The following HS3ST1 variants were observed in gnomAD, a reference collection of about 807,000 sequenced individuals.
HS3ST1 encodes the protein heparan sulfate-glucosamine 3-sulfotransferase 1.
A neutral mutation model predicts 20.7 loss-of-function variants in HS3ST1; 8 were observed. That is an observed-to-expected ratio of 0.39 (90% CI 0.23 to 0.70). The LOEUF (loss-of-function observed/expected upper bound fraction) is 0.70. Ranked by LOEUF, HS3ST1 falls within the 30% of genes least tolerant of loss-of-function variation. HS3ST1 has a pLI of 0.46. For synonymous variants in HS3ST1, 205 were observed against 190.4 expected (o/e 1.08, Z -0.63); for missense variants, 436 against 423.4 (o/e 1.03, Z -0.26).
Position 11,399,962 on chromosome 4 carries a change from G to T in HS3ST1, c.44C>A (p.Pro15His). The change falls in exon 2 of 2, where the codon CCC becomes CAC. Residue 15 changes from proline to histidine, a missense_variant. Physicochemically the swap from Pro to His is moderately conservative, Grantham distance 77 (BLOSUM62 -2). Transcript: ENST00000002596. This position sits in a 1 kb window ranked among gnomAD's most constrained non-coding sequence, Gnocchi z 5.1. ...GGCGGGGCGGGAAGGCACTAGCTGG[G>T]GCTGGGCCACCAGCAGCACCGCGCC... The part of the protein sequence containing the change: ...LLGAVLLVAQ[P>H]QLVPSRPAEL... 1 of 1,555,976 alleles carries T rather than the reference G, an allele frequency of 6.4e-7. No individual in the cohort carries two copies. Among genetic ancestry groups the T allele is most frequent in the African/African-American group, 1.4e-5 (1 of 73,780 alleles).
chr4:11,414,184 C>G (rs1348626616), intron 1 of HS3ST1: 1 of 152,134 alleles, frequency 6.6e-6, no homozygotes, highest in Admixed American at 6.5e-5. Context: ...CTATGTTGCT[C>G]TTTATTCTGT....
At chr4:11,425,681 A>AT (rs975529227) in intron 1 of HS3ST1, among the ~76,000 whole-genome samples, 1 of 152,164 alleles carries the variant, frequency 6.6e-6, no homozygotes, top group Admixed American at 6.5e-5. Flanking sequence ...AATTTTTTGT[A>AT]TTTTTTACCC....
At position 11,395,212 on chromosome 4, in the gene HS3ST1, A is replaced by T. The variant is rs4697688; in HGVS notation, c.*3870T>A. On this transcript the variant is annotated 3_prime_UTR_variant, in exon 2 of 2. Coordinates refer to ENST00000002596, the MANE Select transcript of HS3ST1 (RefSeq NM_005114.4). ...CAATTCCTCCATGAAGCCTTCCCAC[A>T]GGAAGGTCAGGGTCTCTGTGGCCCA... 6.6e-6 allele frequency: 1 copy of T among 151,906 alleles called. No homozygotes were observed. The highest frequency in any genetic ancestry group is 2.4e-5 in the African/African-American group (1 of 41,320). The allele number at this position is 151,906 out of a possible 1,614,324, so 9.4% of individuals were successfully genotyped here.
At chr4:11,406,962 G>A (rs1718483497) in intron 1 of HS3ST1, among the ~76,000 whole-genome samples, 3 of 152,020 alleles carry the variant, frequency 2.0e-5, no homozygotes, top group South Asian at 2.1e-4. Context: ...GCATAGCTAT[G>A]GAAGAGCACC....
At chr4:11,426,179 C>T (rs1364952658) in intron 1 of HS3ST1, among the ~76,000 whole-genome samples, 2 of 152,134 alleles carry the variant, frequency 1.3e-5, no homozygotes, top group African/African-American at 4.8e-5. Context: ...CCCCCATAGA[C>T]AGACATGATT....
At chr4:11,422,642 ACAAT>A (rs146641953) in intron 1 of HS3ST1, among the ~76,000 whole-genome samples, 6,738 of 152,264 alleles carry the variant, frequency 0.044, 173 homozygotes, top group Non-Finnish European at 0.055. Context: ...CTTGTGAACG[ACAAT>A]CAATAGCAAA....
In HS3ST1 at chr4:11,399,383, G is replaced by A. The variant is rs1231872635; in HGVS notation, c.623C>T (p.Pro208Leu). ...VHMQNWLRFFPLRHIHIVDGD... is the reference protein window; with the variant it reads ...VHMQNWLRFFLLRHIHIVDGD... ...GTCCACAATGTGGATGTGGCGCAGC[G>A]GGAAAAAGCGCAGCCAGTTCTGCAT... The change falls in exon 2 of 2, where the codon CCG becomes CTG. Residue 208 changes from proline to leucine, a missense_variant. Transcript: ENST00000002596. This position sits in a 1 kb window ranked among gnomAD's most constrained non-coding sequence, Gnocchi z 5.1. 3 of 1,613,900 alleles carry A rather than the reference G, an allele frequency of 1.9e-6. No homozygotes were observed. The highest frequency in any genetic ancestry group is 2.5e-6 in the Non-Finnish European group (3 of 1,180,024).
chr4:11,410,176 C>T lies in HS3ST1; in HGVS notation c.-108-10063G>A, dbSNP rs180831158. Among the ~76,000 whole-genome samples the T allele has an allele frequency of 2.6e-3, 395 of 152,268 alleles. 5 individuals are homozygous for T. The highest frequency in any genetic ancestry group is 8.9e-3 in the African/African-American group (371 of 41,552). ...CGATGTTTCTAAAATTGTACTGAGT[C>T]CCTGGGGACACTGAAATAATCCCGT... On this transcript the variant is annotated intron_variant, in intron 1 of 1. Transcript: ENST00000002596.
chr4:11,413,771 C>T (rs746444020), intron 1 of HS3ST1, among the ~76,000 whole-genome samples: 4 of 149,630 alleles, frequency 2.7e-5, no homozygotes, highest in Non-Finnish European at 6.0e-5. Context: ...CACAGAGGCT[C>T]ATCGATAATG....
chr4:11,407,860 T>G (rs866554970), intron 1 of HS3ST1, among the ~76,000 whole-genome samples: 2 of 152,238 alleles, frequency 1.3e-5, no homozygotes, highest in Non-Finnish European at 1.5e-5. Flanking sequence ...CCAGAGGAGC[T>G]GATGTAACCC....
In HS3ST1 at chr4:11,398,370, C is replaced by T. The variant is rs1718195314; in HGVS notation, c.*712G>A. ...TCCAGGTCCAAGATCATTCTGAAGG[C>T]CAAGGGTTTAATCCTCTTTATTATA... On this transcript the variant is annotated 3_prime_UTR_variant, in exon 2 of 2. Transcript: ENST00000002596. The T allele has an allele frequency of 6.6e-6, 1 of 152,194 alleles. No individual in the cohort carries two copies. Among genetic ancestry groups the T allele is most frequent in the Non-Finnish European group, 1.5e-5 (1 of 68,044 alleles). 9.4% of individuals were successfully genotyped at this position (152,194 alleles called of 1,614,324 possible).
chr4:11,417,865 A>G (rs78065397), intron 1 of HS3ST1, among the ~76,000 whole-genome samples: 1 of 152,220 alleles, frequency 6.6e-6, no homozygotes, highest in African/African-American at 2.4e-5. Flanking sequence ...CTCCAATTGT[A>G]ATATACAAAC....
At position 11,398,393 on chromosome 4, in the gene HS3ST1, A is replaced by G. The variant is rs937012201; in HGVS notation, c.*689T>C. ...GGCCAAGGGTTTAATCCTCTTTATTATAACTGCTGAGATCAGAAGCATGTG... is the reference window on the plus strand; with the variant it reads ...GGCCAAGGGTTTAATCCTCTTTATTGTAACTGCTGAGATCAGAAGCATGTG... On this transcript the variant is annotated 3_prime_UTR_variant, in exon 2 of 2. Transcript: ENST00000002596. 1 of 152,244 alleles carries G rather than the reference A, an allele frequency of 6.6e-6. No individual in the cohort carries two copies. The highest frequency in any genetic ancestry group is 1.5e-5 in the Non-Finnish European group (1 of 68,042). The allele number at this position is 152,244 out of a possible 1,614,324, so 9.4% of individuals were successfully genotyped here. A position where few individuals can be genotyped will look rare whatever the true frequency, so the allele number is the denominator to read the frequency against.
chr4:11,428,162 C>T (rs1439414209), intron 1 of HS3ST1, among the ~76,000 whole-genome samples: 5 of 145,488 alleles, frequency 3.4e-5, no homozygotes, highest in Non-Finnish European at 6.0e-5. Flanking sequence ...AGGGCTGTCA[C>T]CTCAATCTCT....
intron 1 of HS3ST1, among the ~76,000 whole-genome samples, chr4:11,419,369 A>T (rs1229048008): frequency 1.3e-5 from 2 of 152,152 alleles, no homozygotes; most frequent in East Asian, 3.9e-4. Context: ...CATGAATATG[A>T]TGCATAAAAT....
At chr4:11,412,377 A>G (rs1008729141) in intron 1 of HS3ST1, among the ~76,000 whole-genome samples, 4 of 152,216 alleles carry the variant, frequency 2.6e-5, no homozygotes, top group Non-Finnish European at 5.9e-5. Context: ...ATTGAGAAAC[A>G]TACGGGTTGA....
At chr4:11,420,188 G>C (rs565888657) in intron 1 of HS3ST1, among the ~76,000 whole-genome samples, 20 of 152,324 alleles carry the variant, frequency 1.3e-4, no homozygotes, top group African/African-American at 4.6e-4. Context: ...GGCATGAGCA[G>C]TACCTCACTA....
intron 1 of HS3ST1, among the ~76,000 whole-genome samples, chr4:11,420,891 C>T (rs1170171367): frequency 6.6e-6 from 1 of 152,142 alleles, no homozygotes; most frequent in African/African-American, 2.4e-5. Flanking sequence ...CTTTCTATGG[C>T]ACAAGAACTT....
intron 1 of HS3ST1, among the ~76,000 whole-genome samples, chr4:11,401,610 C>T (rs1454143322): frequency 1.3e-5 from 2 of 152,196 alleles, no homozygotes; most frequent in African/African-American, 2.4e-5. Flanking sequence ...TCCCAAAGTG[C>T]TGGGATTACA....
Sources: allele counts gnomAD v4.1 joint callset (sites outside exome capture counted in the v4.1 genomes callset), GRCh38; gene constraint gnomAD v4.1.1; non-coding constraint Gnocchi (gnomAD v3.1); transcripts MANE v1.5; gene names NCBI Gene and HGNC (gene_info 2026-07-23, HGNC 2026-07-21).